The following ENTREP2 variants were observed in gnomAD, a reference collection of about 807,000 sequenced individuals.
ENTREP2 encodes endosomal transmembrane epsin interactor 2, also known as protein ENTREP2.
chr15:29,151,661 G>T, the ENTREP2 span: 1 of 1,226,440 alleles, frequency 8.2e-7, no homozygotes, highest in Non-Finnish European at 1.2e-6. Flanking sequence ...CACAGCATCT[G>T]GCTGAAGCCA....
At chr15:29,164,683 T>C in the ENTREP2 span, among the ~76,000 whole-genome samples, 2 of 152,088 alleles carry the variant, frequency 1.3e-5, no homozygotes, top group Non-Finnish European at 2.9e-5. Context: ...TATACAACAA[T>C]TACTAATAGA....
the ENTREP2 span, among the ~76,000 whole-genome samples, chr15:29,660,471 AT>A: frequency 0.052 from 7,869 of 151,676 alleles, 247 homozygotes; most frequent in African/African-American, 0.072. Flanking sequence ...TGAGAGAATA[AT>A]TTTTTTTTCT....
the ENTREP2 span, among the ~76,000 whole-genome samples, chr15:29,618,402 G>A: frequency 4.6e-4 from 69 of 148,600 alleles, 3 homozygotes; most frequent in South Asian, 0.014. Context: ...CAGTTCAGGC[G>A]ACAGTGTGAG....
At chr15:29,403,660 G>A in the ENTREP2 span, among the ~76,000 whole-genome samples, 4 of 152,072 alleles carry the variant, frequency 2.6e-5, no homozygotes, top group Non-Finnish European at 5.9e-5. Context: ...GTCATAAACC[G>A]CACACTATTT....
chr15:29,417,700 T>A, the ENTREP2 span, among the ~76,000 whole-genome samples: 2 of 152,006 alleles, frequency 1.3e-5, no homozygotes, highest in Admixed American at 1.3e-4. Flanking sequence ...GAAATGTTGA[T>A]GTGGCTGAAA....
chr15:29,656,486 C>G, the ENTREP2 span, among the ~76,000 whole-genome samples: 3 of 152,228 alleles, frequency 2.0e-5, no homozygotes, highest in Non-Finnish European at 2.9e-5. Context: ...CTCAGCCTCC[C>G]AAAGTGCTAC....
At chr15:29,387,912 C>T in the ENTREP2 span, among the ~76,000 whole-genome samples, 3 of 152,276 alleles carry the variant, frequency 2.0e-5, no homozygotes, top group Admixed American at 6.5e-5. Context: ...AACTGGCTAG[C>T]CATACGTAGA....
the ENTREP2 span, among the ~76,000 whole-genome samples, chr15:29,348,839 T>C: frequency 1.3e-5 from 2 of 152,354 alleles, no homozygotes; most frequent in South Asian, 4.1e-4. Context: ...CTGTCTCCTA[T>C]AAGTTAAGCG....
chr15:29,203,334 A>G, the ENTREP2 span, among the ~76,000 whole-genome samples: 158 of 152,262 alleles, frequency 1.0e-3, no homozygotes, highest in African/African-American at 3.7e-3. Flanking sequence ...CCCGGGAGGC[A>G]GAGCTTGCAG....
At chr15:29,300,581 G>A in the ENTREP2 span, among the ~76,000 whole-genome samples, 1 of 152,128 alleles carries the variant, frequency 6.6e-6, no homozygotes, top group Non-Finnish European at 1.5e-5. Context: ...TTATGAGAAG[G>A]AAGCGAGGTA....
chr15:29,467,728 A>G, the ENTREP2 span, among the ~76,000 whole-genome samples: 29 of 152,314 alleles, frequency 1.9e-4, no homozygotes, highest in Non-Finnish European at 7.3e-5. Context: ...CCGTAGCCCA[A>G]TTAAGACCAT....
At chr15:29,367,947 CA>C in the ENTREP2 span, among the ~76,000 whole-genome samples, 20,536 of 56,472 alleles carry the variant, frequency 0.36, 2,847 homozygotes, top group African/African-American at 0.52. Flanking sequence ...CAGTTTTCAA[CA>C]AAAAAAAAAA....
chr15:29,482,527 C>T, the ENTREP2 span, among the ~76,000 whole-genome samples: 1 of 152,188 alleles, frequency 6.6e-6, no homozygotes, highest in African/African-American at 2.4e-5. Context: ...CTGGCAACCA[C>T]TGTTCTTTTT....
the ENTREP2 span, among the ~76,000 whole-genome samples, chr15:29,222,909 C>A: frequency 1.3e-5 from 2 of 152,222 alleles, no homozygotes; most frequent in East Asian, 3.8e-4. Flanking sequence ...TCTAATCCAG[C>A]AGAATAGCAT....
chr15:29,415,274 C>A, the ENTREP2 span, among the ~76,000 whole-genome samples: 1 of 152,296 alleles, frequency 6.6e-6, no homozygotes, highest in South Asian at 2.1e-4. Context: ...CAAACCGAAT[C>A]CAGCAGCACA....
the ENTREP2 span, among the ~76,000 whole-genome samples, chr15:29,534,782 G>A: frequency 6.6e-6 from 1 of 152,100 alleles, no homozygotes; most frequent in African/African-American, 2.4e-5. Flanking sequence ...ACCACAATGT[G>A]GCCAGGCACA....
chr15:29,573,928 C>T, the ENTREP2 span, among the ~76,000 whole-genome samples: 4 of 151,992 alleles, frequency 2.6e-5, no homozygotes, highest in Non-Finnish European at 5.9e-5. Flanking sequence ...TTGATGAACA[C>T]TTGCAATTTG....
At chr15:29,148,566 T>C in the ENTREP2 span, among the ~76,000 whole-genome samples, 1 of 152,270 alleles carries the variant, frequency 6.6e-6, no homozygotes, top group African/African-American at 2.4e-5. Context: ...ATAGTTGTTA[T>C]ACTGTATTGT....
At chr15:29,295,349 C>A in the ENTREP2 span, among the ~76,000 whole-genome samples, 214 of 152,306 alleles carry the variant, frequency 1.4e-3, 1 homozygote, top group African/African-American at 4.9e-3. Context: ...TGGTGTCCCC[C>A]ACCTGGTCAC....
Sources: gnomAD v4.1 joint callset for allele counts (sites outside exome capture counted in the v4.1 genomes callset) on GRCh38, gnomAD v4.1.1 for gene constraint, MANE v1.5 for transcripts, NCBI Gene and HGNC (gene_info 2026-07-23, HGNC 2026-07-21) for gene names.